Variants in DNAAF11 observed in about 807,000 individuals in gnomAD.
DNAAF11 encodes the protein dynein axonemal assembly factor 11.
In DNAAF11, 45 loss-of-function variants were observed where a neutral mutation model predicts 60.8. The ratio of observed to expected loss-of-function variants is 0.74; its 90% CI spans 0.58 to 0.95. The LOEUF is 0.95. DNAAF11 is among the 40% of genes least tolerant of loss of function. The pLI is 0.00. For synonymous variants in DNAAF11, 191 were observed against 183.5 expected (o/e 1.04, Z -0.33); for missense variants, 546 against 546.2 (o/e 1.00, Z 0.00).
intron 10 of DNAAF11, among the ~76,000 whole-genome samples, chr8:132,588,799 C>G (rs532454425): frequency 1.3e-5 from 2 of 152,110 alleles, no homozygotes; most frequent in Non-Finnish European, 2.9e-5. Context: ...GCATCGGCTT[C>G]TGGGAAGGCC....
At chr8:132,697,501 C>G in the DNAAF11 span, among the ~76,000 whole-genome samples, 39 of 152,014 alleles carry the variant, frequency 2.6e-4, no homozygotes, top group South Asian at 5.6e-3. Context: ...ACCTGTAATC[C>G]CCGCTGCTTG....
At chr8:132,654,412 C>A (rs1478846574) in intron 3 of DNAAF11, among the ~76,000 whole-genome samples, 10 of 151,674 alleles carry the variant, frequency 6.6e-5, no homozygotes. Context: ...AAGAAAGAAA[C>A]AAAAGGCTAG....
chr8:132,668,336 A>G (rs1370325841), intron 1 of DNAAF11, among the ~76,000 whole-genome samples: 1 of 152,250 alleles, frequency 6.6e-6, no homozygotes, highest in East Asian at 1.9e-4. Flanking sequence ...ACTAAGTGCT[A>G]TGGGGCACTG....
In DNAAF11 at chr8:132,625,422, G is replaced by A; in HGVS notation, c.686C>T (p.Ala229Val). The A allele has an allele frequency of 6.2e-7, 1 of 1,611,788 alleles. No individual in the cohort carries two copies. Among genetic ancestry groups the A allele is most frequent in the Admixed American group, 1.7e-5 (1 of 59,658 alleles). Residue 229 changes from alanine (A) to valine (V), a missense_variant, in exon 6 of 12, where the codon GCA becomes GTA. By Grantham distance (64) the Ala-to-Val change is moderately conservative. Transcript: ENST00000620350. ...TGTGTTGTGTTCCTCTGTGTCTGGT[G>A]CCTGTAGGTGGTCTTTGCTCTCTAA... Reference protein sequence around the residue: ...SSLESKDHLQAPDTEEHNTKK... With the variant: ...SSLESKDHLQVPDTEEHNTKK...
Position 132,583,792 on chromosome 8 carries a change from T to C in DNAAF11, c.1141-13A>G, listed in dbSNP as rs767257443. 14 of 1,583,278 alleles carry C rather than the reference T, an allele frequency of 8.8e-6. No individual in the cohort carries two copies. The highest frequency in any genetic ancestry group is 1.1e-5 in the Non-Finnish European group (13 of 1,152,154). On this transcript the variant is annotated splice_polypyrimidine_tract_variant and intron_variant, in intron 10 of 11. Transcript: ENST00000620350. ...TTACTTCTCCTACCTAAAATAAAAA[T>C]GAAACACACACCAAGTGGTGCATTA...
At chr8:132,637,293 G>A (rs543412666) in intron 4 of DNAAF11, among the ~76,000 whole-genome samples, 113 of 152,278 alleles carry the variant, frequency 7.4e-4, no homozygotes, top group African/African-American at 2.6e-3. Context: ...AGGCCTCCAC[G>A]TGCTCTGATG....
chr8:132,581,702 CA>C (rs1815361435), intron 11 of DNAAF11, among the ~76,000 whole-genome samples: 1 of 144,904 alleles, frequency 6.9e-6, no homozygotes, highest in African/African-American at 2.5e-5. Context: ...AGAAGAAGAA[CA>C]AGCCTGAGGT....
Position 132,583,677 on chromosome 8 carries a change from G to C in DNAAF11, c.1226+17C>G. On this transcript the variant is annotated intron_variant, in intron 11 of 11. Coordinates refer to ENST00000620350, the MANE Select transcript of DNAAF11 (RefSeq NM_012472.6). ...GAACAATATAATACAGCTAAGGACA[G>C]TCTGGGAGGGTGGTACCTTGTATTT... 1 of 1,601,370 alleles carries C rather than the reference G, an allele frequency of 6.2e-7. No homozygotes were observed.
intron 10 of DNAAF11, among the ~76,000 whole-genome samples, chr8:132,597,005 C>T (rs1168951309): frequency 1.3e-5 from 2 of 152,132 alleles, no homozygotes; most frequent in African/African-American, 4.8e-5. Flanking sequence ...TGTCATCCAC[C>T]CCAACTGGCC....
chr8:132,605,832 GC>G (rs1818072010), intron 10 of DNAAF11, among the ~76,000 whole-genome samples: 1 of 152,106 alleles, frequency 6.6e-6, no homozygotes, highest in Non-Finnish European at 1.5e-5. Context: ...AACAGCAAGT[GC>G]AAGAGTCCTG....
the DNAAF11 span, among the ~76,000 whole-genome samples, chr8:132,682,170 G>A: frequency 6.6e-6 from 1 of 152,268 alleles, no homozygotes; most frequent in East Asian, 1.9e-4. Context: ...GAGTACAAGG[G>A]AAGAAACACT....
At chr8:132,693,598 A>G in the DNAAF11 span, among the ~76,000 whole-genome samples, 2 of 152,004 alleles carry the variant, frequency 1.3e-5, no homozygotes, top group African/African-American at 4.8e-5. Context: ...ACAGGAAGAT[A>G]TAGCCAACTA....
chr8:132,681,003 CTTTTTTTTTTTT>C, the DNAAF11 span, among the ~76,000 whole-genome samples: 315 of 52,360 alleles, frequency 6.0e-3, 13 homozygotes, highest in Admixed American at 0.032. Context: ...ATAACTATTC[CTTTTTTTTTTTT>C]TTTTTTTTTT....
chr8:132,605,417 G>A (rs1250405425), intron 10 of DNAAF11, among the ~76,000 whole-genome samples: 4 of 152,174 alleles, frequency 2.6e-5, no homozygotes, highest in South Asian at 2.1e-4. Context: ...TCAGGAAATA[G>A]TTGAGAGGGA....
At chr8:132,673,940 A>C (rs1825424644) in intron 1 of DNAAF11, among the ~76,000 whole-genome samples, 1 of 152,168 alleles carries the variant, frequency 6.6e-6, no homozygotes, top group African/African-American at 2.4e-5. Context: ...AACAAATCAA[A>C]GTGGGCACGA....
chr8:132,583,198 T>C (rs1815514844), intron 11 of DNAAF11, among the ~76,000 whole-genome samples: 1 of 151,796 alleles, frequency 6.6e-6, no homozygotes, highest in South Asian at 2.1e-4. Flanking sequence ...CCCCTGAGAG[T>C]TGAGGCATCT....
chr8:132,670,753 T>C (rs1169290301), intron 1 of DNAAF11, among the ~76,000 whole-genome samples: 4 of 152,110 alleles, frequency 2.6e-5, no homozygotes, highest in African/African-American at 9.7e-5. Context: ...AATAAAAAAA[T>C]TATACATTAT....
the DNAAF11 span, among the ~76,000 whole-genome samples, chr8:132,691,056 A>G: frequency 1.3e-5 from 2 of 152,122 alleles, no homozygotes; most frequent in African/African-American, 4.8e-5. Context: ...CACTATGTGT[A>G]GCCCACACTT....
chr8:132,620,537 G>A (rs954454286), intron 7 of DNAAF11, among the ~76,000 whole-genome samples: 9 of 152,072 alleles, frequency 5.9e-5, no homozygotes, highest in Middle Eastern at 3.2e-3. Flanking sequence ...GTTTCACCAC[G>A]TTGGCCAGGC....
Sources: gnomAD v4.1 joint callset for allele counts (sites outside exome capture counted in the v4.1 genomes callset) on GRCh38, gnomAD v4.1.1 for gene constraint, MANE v1.5 for transcripts, NCBI Gene and HGNC (gene_info 2026-07-23, HGNC 2026-07-21) for gene names.